Variants in PCLO observed in about 807,000 individuals in gnomAD.
PCLO encodes protein piccolo.
Under a neutral mutation model 427.5 loss-of-function variants are expected in PCLO, and 82 were observed. The observed-to-expected ratio is 0.19, with a 90% confidence interval of 0.16 to 0.23. PCLO has a LOEUF of 0.23. PCLO is among the 10% of genes least tolerant of loss of function. PCLO has a pLI of 1.00. For missense variants in PCLO, 6,239 were observed against 6,115.9 expected (o/e 1.02, Z -0.67); for synonymous variants, 2,357 against 2,155.4 (o/e 1.09, Z -2.59).
At chr7:82,787,321 A>G (rs542984103) in intron 22 of PCLO, among the ~76,000 whole-genome samples, 5 of 152,128 alleles carry the variant, frequency 3.3e-5, no homozygotes, top group Admixed American at 3.3e-4. Flanking sequence ...TTTGATTTAC[A>G]TTTCTCTAAT....
In PCLO at chr7:82,944,036, AC is replaced by A. The variant is rs1795144176; in HGVS notation, c.11112+5439del. ...GTGGCAAGCACCTGTAATCCCAGCTACTCGGGAGGCTGAGGCAGGAGAATCA... is the reference window on the plus strand; with the variant it reads ...GTGGCAAGCACCTGTAATCCCAGCTATCGGGAGGCTGAGGCAGGAGAATCA... On this transcript the variant is annotated intron_variant, in intron 6 of 24. Coordinates refer to ENST00000333891, the MANE Select transcript of PCLO (RefSeq NM_033026.6). 2.0e-5 allele frequency among the ~76,000 whole-genome samples: 3 copies of A among 149,718 alleles called. No homozygotes were observed. In the Admixed American group the frequency reaches 2.0e-4, roughly 10 times the overall value.
At chr7:82,768,658 A>T (rs1790583904) in intron 22 of PCLO, among the ~76,000 whole-genome samples, 1 of 152,086 alleles carries the variant, frequency 6.6e-6, no homozygotes. Context: ...TCTTTAGCTA[A>T]AGTGTTTCTA....
At chr7:82,970,750 A>G (rs1018265534) in intron 3 of PCLO, among the ~76,000 whole-genome samples, 5 of 151,946 alleles carry the variant, frequency 3.3e-5, no homozygotes, top group African/African-American at 1.2e-4. Flanking sequence ...GGAGCATAGG[A>G]GTATCATTGG....
intron 14 of PCLO, among the ~76,000 whole-genome samples, chr7:82,839,027 C>T (rs750709076): frequency 4.6e-5 from 7 of 151,952 alleles, no homozygotes; most frequent in Non-Finnish European, 1.0e-4. Context: ...TACTAAAAGA[C>T]ATAATTCAAA....
At chr7:83,029,378 C>T (rs377050204) in intron 3 of PCLO, among the ~76,000 whole-genome samples, 2 of 150,372 alleles carry the variant, frequency 1.3e-5, no homozygotes, top group Admixed American at 6.6e-5. Flanking sequence ...CATCACTGGC[C>T]ATCAGAGAAA....
chr7:83,051,592 G>T (rs890624194), intron 3 of PCLO, among the ~76,000 whole-genome samples: 1 of 151,944 alleles, frequency 6.6e-6, no homozygotes, highest in Non-Finnish European at 1.5e-5. Flanking sequence ...TCAAATTCAT[G>T]GACAGAAAGA....
rs148466305 is a variant in PCLO at position 82,922,443 on chromosome 7, T to G, written c.11113-5570A>C. The stretch of plus-strand genomic sequence containing the variant: ...TGAAATCATGTCCTTTGTGACAACA[T>G]GAATGGAGCTGAAGGCCATTATCCT... On this transcript the variant is annotated intron_variant, in intron 6 of 24. Transcript: ENST00000333891. Among the ~76,000 whole-genome samples, 240 of 152,072 alleles carry G rather than the reference T, an allele frequency of 1.6e-3. 1 individual carries two copies. The highest frequency in any genetic ancestry group is 5.5e-3 in the African/African-American group (230 of 41,538).
intron 3 of PCLO, among the ~76,000 whole-genome samples, chr7:82,989,663 T>C (rs769502016): frequency 6.6e-6 from 1 of 152,188 alleles, no homozygotes; most frequent in Non-Finnish European, 1.5e-5. Flanking sequence ...GAAGTTATTT[T>C]AGGTAAAACA....
intron 3 of PCLO, among the ~76,000 whole-genome samples, chr7:82,982,307 A>G (rs1223782142): frequency 6.6e-6 from 1 of 152,132 alleles, no homozygotes; most frequent in African/African-American, 2.4e-5. Flanking sequence ...TCCAACTCAT[A>G]TAGAGTGGGG....
In PCLO at chr7:82,776,251, G is replaced by A. The variant is rs79002998; in HGVS notation, c.15008-14758C>T. Among the ~76,000 whole-genome samples, 1,469 of 152,222 alleles carry A rather than the reference G, an allele frequency of 9.7e-3. 28 individuals are homozygous for A. The highest frequency in any genetic ancestry group is 0.033 in the African/African-American group (1,378 of 41,534). On this transcript the variant is annotated intron_variant, in intron 22 of 24. Coordinates refer to ENST00000333891, the MANE Select transcript of PCLO (RefSeq NM_033026.6). ...GTAGTGGGCATCCTTGTTGAGCTAAGGGCATGAGCCAAAATCTATCCAATA... is the reference window on the plus strand; with the variant it reads ...GTAGTGGGCATCCTTGTTGAGCTAAAGGCATGAGCCAAAATCTATCCAATA...
chr7:83,141,323 CCA>C (rs1344227138), intron 2 of PCLO, among the ~76,000 whole-genome samples: 3 of 152,146 alleles, frequency 2.0e-5, no homozygotes, highest in Non-Finnish European at 2.9e-5. Flanking sequence ...TTCCTAAATT[CCA>C]GACTTTATAT....
chr7:83,162,741 C>A lies in PCLO; in HGVS notation c.-149G>T. 1 of 1,031,076 alleles carries A rather than the reference C, an allele frequency of 9.7e-7. No homozygotes were observed. The highest frequency in any genetic ancestry group is 1.4e-6 in the Non-Finnish European group (1 of 734,194). 63.9% of individuals were successfully genotyped at this position (1,031,076 alleles called of 1,614,324 possible). On this transcript the variant is annotated 5_prime_UTR_variant, in exon 1 of 25. Coordinates refer to ENST00000333891, the MANE Select transcript of PCLO (RefSeq NM_033026.6). ...GGACTCTGGACCAGGCACTGCCGCC[C>A]GGAACGCCAGGCAGGGGTTAGTCCC...
In PCLO at chr7:82,916,436, C is replaced by T; in HGVS notation, c.11550G>A (p.Gln3850=). Residue 3850 remains glutamine, a synonymous_variant, in exon 7 of 25, where the codon CAG becomes CAA. Coordinates refer to ENST00000333891, the MANE Select transcript of PCLO (RefSeq NM_033026.6). Reference sequence around the variant, plus strand: ...CAGTTCTTGGTCGCTCAATGCCATGCTGACTTTCTATTCGGGTTGGTCTTG... The same window carrying T: ...CAGTTCTTGGTCGCTCAATGCCATGTTGACTTTCTATTCGGGTTGGTCTTG... ...SSTRPTRIES[Q]HGIERPRTAP... is the part of the protein sequence containing the mutation. 14 of 1,613,674 alleles carry T rather than the reference C, an allele frequency of 8.7e-6. No homozygotes were observed. Among genetic ancestry groups the T allele is most frequent in the Non-Finnish European group, 1.2e-5 (14 of 1,179,760 alleles).
chr7:83,139,873 T>C lies in PCLO; in HGVS notation c.1894-4217A>G, dbSNP rs1447377982. Among the ~76,000 whole-genome samples, 6 of 152,236 alleles carry C rather than the reference T, an allele frequency of 3.9e-5. No homozygotes were observed. The East Asian group carries it at 1.2e-3, about 29-fold the overall frequency. On this transcript the variant is annotated intron_variant, in intron 2 of 24. Coordinates refer to ENST00000333891, the MANE Select transcript of PCLO (RefSeq NM_033026.6). ...AAAGCACCTCCTTTTTATTTAATTA[T>C]ACTGGCCAAATCTGTTGAAGGTAGA...
At chr7:82,799,081 C>T (rs1327730165) in intron 22 of PCLO, among the ~76,000 whole-genome samples, 2 of 152,142 alleles carry the variant, frequency 1.3e-5, no homozygotes, top group East Asian at 1.9e-4. Context: ...AATTTCTGTT[C>T]ATTGACAGCT....
chr7:82,774,523 C>T (rs536368888), intron 22 of PCLO, among the ~76,000 whole-genome samples: 1 of 152,112 alleles, frequency 6.6e-6, no homozygotes, highest in Non-Finnish European at 1.5e-5. Flanking sequence ...TTTTGTTTTC[C>T]TATAGGTATC....
chr7:82,804,065 G>A (rs1009364429), intron 21 of PCLO, among the ~76,000 whole-genome samples: 1 of 152,080 alleles, frequency 6.6e-6, no homozygotes, highest in Non-Finnish European at 1.5e-5. Flanking sequence ...CAGAAAAATT[G>A]GAAGGATAAC....
intron 6 of PCLO, among the ~76,000 whole-genome samples, chr7:82,924,859 AATAG>A (rs925647270): frequency 6.6e-6 from 1 of 152,104 alleles, no homozygotes; most frequent in African/African-American, 2.4e-5. Context: ...AAAGTTAAAA[AATAG>A]ATGGAAACAT....
intron 8 of PCLO, among the ~76,000 whole-genome samples, chr7:82,905,252 CA>C (rs932564987): frequency 6.6e-6 from 1 of 151,978 alleles, no homozygotes; most frequent in African/African-American, 2.4e-5. Flanking sequence ...ACAAATATTT[CA>C]AAGAGTTATT....
Sources: gnomAD v4.1 joint callset for allele counts (sites outside exome capture counted in the v4.1 genomes callset) on GRCh38, gnomAD v4.1.1 for gene constraint, MANE v1.5 for transcripts, NCBI Gene and HGNC (gene_info 2026-07-23, HGNC 2026-07-21) for gene names.